The following DENND1A variants were observed in gnomAD, a reference collection of about 807,000 sequenced individuals.
DENND1A encodes DENN domain-containing protein 1A.
A neutral mutation model predicts 113.7 loss-of-function variants in DENND1A; 51 were observed. The ratio of observed to expected loss-of-function variants is 0.45; its 90% confidence interval spans 0.36 to 0.57. DENND1A has a LOEUF of 0.57. Ranked by LOEUF, DENND1A falls within the 20% of genes least tolerant of loss-of-function variation. The pLI, the probability that DENND1A is intolerant of heterozygous loss-of-function variation, is 0.00. For missense variants in DENND1A, 1,258 were observed against 1,395.9 expected, an observed-to-expected ratio of 0.90 and a Z score of 1.57; for synonymous variants, 565 against 570.8, an observed-to-expected ratio of 0.99 and a Z score of 0.14.
chr9:123,804,119 G>A (rs887535474), intron 2 of DENND1A, among the ~76,000 whole-genome samples: 1 of 152,222 alleles, frequency 6.6e-6, no homozygotes, highest in Non-Finnish European at 1.5e-5. Flanking sequence ...TTATAAGGGT[G>A]GGTCTTTCCT....
At chr9:123,879,973 A>C (rs7030193) in intron 1 of DENND1A, among the ~76,000 whole-genome samples, 2 of 151,864 alleles carry the variant, frequency 1.3e-5, no homozygotes, top group African/African-American at 4.8e-5. Flanking sequence ...TTATTATTAT[A>C]CTCTTACTTG....
At chr9:123,821,476 T>C (rs1014326675) in intron 2 of DENND1A, among the ~76,000 whole-genome samples, 1 of 152,214 alleles carries the variant, frequency 6.6e-6, no homozygotes, top group Admixed American at 6.5e-5. Flanking sequence ...AGAAACCAGT[T>C]GTAAGAAAAT....
chr9:123,512,765 T>A (rs1276577797), intron 13 of DENND1A, among the ~76,000 whole-genome samples: 2 of 152,100 alleles, frequency 1.3e-5, no homozygotes, highest in Non-Finnish European at 2.9e-5. Flanking sequence ...AGATTTGGAG[T>A]CAGCAGACAC....
intron 1 of DENND1A, among the ~76,000 whole-genome samples, chr9:123,916,004 A>G (rs977652216): frequency 6.6e-6 from 1 of 152,152 alleles, no homozygotes; most frequent in African/African-American, 2.4e-5. Flanking sequence ...ATACAAAATT[A>G]CCCTTTGACC....
intron 1 of DENND1A, among the ~76,000 whole-genome samples, chr9:123,885,023 ACACACACT>A (rs1484301297): frequency 6.1e-5 from 9 of 147,060 alleles, no homozygotes; most frequent in South Asian, 2.1e-4. Flanking sequence ...ACACACACAC[ACACACACT>A]CACTCTCTCT....
intron 2 of DENND1A, among the ~76,000 whole-genome samples, chr9:123,854,452 T>C (rs1344462990): frequency 2.0e-5 from 3 of 152,110 alleles, no homozygotes. Flanking sequence ...TCCCAGCACT[T>C]TGGGAGGCCG....
intron 9 of DENND1A, among the ~76,000 whole-genome samples, chr9:123,639,874 C>T (rs865783070): frequency 6.6e-5 from 10 of 151,846 alleles, no homozygotes; most frequent in Non-Finnish European, 8.8e-5. Flanking sequence ...CAGTGCTTCA[C>T]ATATATTTAA....
intron 2 of DENND1A, among the ~76,000 whole-genome samples, chr9:123,829,800 C>A (rs1317140384): frequency 6.6e-6 from 1 of 152,012 alleles, no homozygotes; most frequent in Non-Finnish European, 1.5e-5. Context: ...TTTTAAGGAA[C>A]AACACATATC....
intron 9 of DENND1A, among the ~76,000 whole-genome samples, chr9:123,634,361 C>T (rs752624356): frequency 7.2e-5 from 11 of 152,182 alleles, no homozygotes; most frequent in Non-Finnish European, 1.2e-4. Context: ...TTATTTGGCT[C>T]TTTTCCAAAA....
At chr9:123,505,723 C>G (rs758927772) in intron 13 of DENND1A, among the ~76,000 whole-genome samples, 8 of 152,146 alleles carry the variant, frequency 5.3e-5, no homozygotes, top group African/African-American at 1.9e-4. Flanking sequence ...CATTACACAA[C>G]CGTTCCACTT....
At chr9:123,827,387 T>C (rs1037053606) in intron 2 of DENND1A, among the ~76,000 whole-genome samples, 5 of 123,908 alleles carry the variant, frequency 4.0e-5, no homozygotes, top group African/African-American at 1.5e-4. Flanking sequence ...CATTAATGGA[T>C]ATATAATATA....
chr9:123,648,733 CTATTT>C (rs1159319653), intron 9 of DENND1A, among the ~76,000 whole-genome samples: 2 of 152,122 alleles, frequency 1.3e-5, no homozygotes, highest in East Asian at 1.9e-4. Context: ...AAGTATTATT[CTATTT>C]TGTCTTCTAA....
chr9:123,381,376 C>T lies in DENND1A; in HGVS notation c.*56G>A, dbSNP rs2042256804. On this transcript the variant is annotated 3_prime_UTR_variant, in exon 24 of 24. Transcript: ENST00000394215. This position sits in a 1 kb window ranked among gnomAD's most constrained non-coding sequence, Gnocchi z 4.7. Reference sequence around the variant, plus strand: ...GAGAGTGGCGGGGGAGCCTCGGAACCGCAGCAGTGGACGGACCCTCGGGCC... The same window carrying T: ...GAGAGTGGCGGGGGAGCCTCGGAACTGCAGCAGTGGACGGACCCTCGGGCC... The T allele has an allele frequency of 6.0e-6, 9 of 1,509,928 alleles. No individual in the cohort carries two copies. The highest frequency in any genetic ancestry group is 1.8e-4 in the Middle Eastern group (1 of 5,634). 93.5% of individuals were successfully genotyped at this position (1,509,928 alleles called of 1,614,324 possible). A position where few individuals can be genotyped will look rare whatever the true frequency, so the allele number is the denominator to read the frequency against.
At chr9:123,760,287 T>C (rs1325678095) in intron 4 of DENND1A, among the ~76,000 whole-genome samples, 1 of 152,196 alleles carries the variant, frequency 6.6e-6, no homozygotes, top group Non-Finnish European at 1.5e-5. Context: ...AAAGATAGGG[T>C]AGACTTTCTA....
At chr9:123,666,227 T>TA (rs1247459629) in intron 8 of DENND1A, among the ~76,000 whole-genome samples, 4 of 152,250 alleles carry the variant, frequency 2.6e-5, no homozygotes, top group African/African-American at 4.8e-5. Context: ...ACCACAATTT[T>TA]AAAAAAGTAA....
intron 19 of DENND1A, among the ~76,000 whole-genome samples, chr9:123,431,253 A>G (rs974828512): frequency 4.6e-5 from 7 of 152,148 alleles, no homozygotes; most frequent in African/African-American, 1.4e-4. Context: ...TTTACCCTGC[A>G]TTCTACTCTC....
At chr9:123,420,827 G>A (rs1050290094) in intron 19 of DENND1A, among the ~76,000 whole-genome samples, 16 of 150,344 alleles carry the variant, frequency 1.1e-4, no homozygotes, top group Admixed American at 4.0e-4. Context: ...CGTGGGGGCC[G>A]GGTGACCCTA....
chr9:123,928,993 T>A (rs1015278275), intron 1 of DENND1A: 1 of 805,156 alleles, frequency 1.2e-6, no homozygotes, highest in South Asian at 5.7e-5. Context: ...AGATAAAACA[T>A]CTCCAGTTCT....
At chr9:123,760,681 A>T (rs2070961553) in intron 4 of DENND1A, among the ~76,000 whole-genome samples, 1 of 152,156 alleles carries the variant, frequency 6.6e-6, no homozygotes, top group Non-Finnish European at 1.5e-5. Flanking sequence ...CTGTGTTACT[A>T]TGGTGATTTA....
Sources: allele counts gnomAD v4.1 joint callset (sites outside exome capture counted in the v4.1 genomes callset), GRCh38; gene constraint gnomAD v4.1.1; non-coding constraint Gnocchi (gnomAD v3.1); transcripts MANE v1.5; gene names NCBI Gene and HGNC (gene_info 2026-07-23, HGNC 2026-07-21).